Variants in RAD17 observed in about 807,000 individuals in gnomAD.
RAD17 encodes the protein cell cycle checkpoint protein RAD17.
Under a neutral mutation model 81.5 loss-of-function variants are expected in RAD17, and 31 were observed. The ratio of observed to expected loss-of-function variants is 0.38; its 90% CI spans 0.29 to 0.51. The LOEUF (loss-of-function observed/expected upper bound fraction) is 0.51. RAD17 is among the 20% of genes least tolerant of loss of function. The pLI, the probability that RAD17 is intolerant of heterozygous loss-of-function variation, is 0.88. For synonymous variants in RAD17, 261 were observed against 266.2 expected (o/e 0.98, Z 0.19); for missense variants, 681 against 781.2 (o/e 0.87, Z 1.53).
At chr5:69,398,812 A>G (rs1257797208) in intron 16 of RAD17, among the ~76,000 whole-genome samples, 1 of 141,216 alleles carries the variant, frequency 7.1e-6, no homozygotes, top group East Asian at 2.3e-4. Context: ...TCTCAGAAAG[A>G]AAAAAAAAAA....
At chr5:69,372,353 C>T in intron 4 of RAD17, 136 bp downstream of exon 4, 1 of 718,044 alleles carries the variant, frequency 1.4e-6, no homozygotes, top group Non-Finnish European at 2.3e-6. Context: ...AAATTGTCTC[C>T]CCTAAGCCTA....
chr5:69,413,822 A>G (rs1345971003), intron 18 of RAD17, among the ~76,000 whole-genome samples: 1 of 152,240 alleles, frequency 6.6e-6, no homozygotes, highest in African/African-American at 2.4e-5. Context: ...GGCATGAGCC[A>G]TCGTGTTCAG....
rs1407828398 is a variant in RAD17, at chr5:69,369,822, C to T, written c.-528C>T. ...CTGGAAGGTCCCCGGGAGGCCGTAC[C>T]TCCGAGAGGCTCGGCGTTGAGCCCG... is the stretch of plus-strand genomic sequence containing the variant. On this transcript the variant is annotated 5_prime_UTR_variant, in exon 1 of 19. Coordinates refer to ENST00000354868, the MANE Select transcript of RAD17 (RefSeq NM_133338.3). 8.8e-6 allele frequency: 9 copies of T among 1,022,150 alleles called. No homozygotes were observed. Among genetic ancestry groups the T allele is most frequent in the African/African-American group, 4.9e-5 (3 of 61,126 alleles). 63.3% of individuals were successfully genotyped at this position (1,022,150 alleles called of 1,614,324 possible). A position where few individuals can be genotyped will look rare whatever the true frequency, so the allele number is the denominator to read the frequency against.
intron 17 of RAD17, among the ~76,000 whole-genome samples, chr5:69,403,638 G>A (rs1479910526): frequency 3.3e-5 from 5 of 151,826 alleles, no homozygotes; most frequent in Non-Finnish European, 7.4e-5. Context: ...AAAATTTCTG[G>A]GCCAGGCATG....
chr5:69,369,593 GC>G (rs970291934), upstream of RAD17: 83 of 1,595,470 alleles, frequency 5.2e-5, no homozygotes, highest in African/African-American at 1.0e-3. Context: ...GGCCCCAAAG[GC>G]CCCGAAGCCC....
chr5:69,372,040 G>A lies in RAD17; in HGVS notation c.-169G>A, dbSNP rs573679883. ...ATCTTTCTCTTTTTTTCAGTATATG[G>A]GAGTCCACATTTATGTAAGAAATGA... is the stretch of plus-strand genomic sequence containing the variant. On this transcript the variant is annotated 5_prime_UTR_variant, in exon 4 of 19. Coordinates refer to ENST00000354868, the MANE Select transcript of RAD17 (RefSeq NM_133338.3). 2 of 1,308,612 alleles carry A rather than the reference G, an allele frequency of 1.5e-6. No homozygotes were observed. Among genetic ancestry groups the A allele is most frequent in the African/African-American group, 1.5e-5 (1 of 66,390 alleles). 81.1% of individuals were successfully genotyped at this position (1,308,612 alleles called of 1,614,324 possible).
intron 7 of RAD17, among the ~76,000 whole-genome samples, chr5:69,382,677 A>G (rs1444322572): frequency 6.6e-6 from 1 of 152,246 alleles, no homozygotes; most frequent in African/African-American, 2.4e-5. Context: ...CTTGCCCCCC[A>G]ACAAGATAGC....
chr5:69,372,177 A>G lies in RAD17; in HGVS notation c.-32A>G. The G allele has an allele frequency of 6.2e-7, 1 of 1,607,212 alleles. No homozygotes were observed. Among genetic ancestry groups the G allele is most frequent in the Non-Finnish European group, 8.5e-7 (1 of 1,175,146 alleles). On this transcript the variant is annotated 5_prime_UTR_variant, in exon 4 of 19. In the 5' UTR this introduces an upstream ATG that the reference lacks. Coordinates refer to ENST00000354868, the MANE Select transcript of RAD17 (RefSeq NM_133338.3). ...TATAGAGGAAAGGGGCCAAGATTAT[A>G]GTACCAGTCACAATCTTTTGATGAG...
intron 17 of RAD17, among the ~76,000 whole-genome samples, chr5:69,407,232 A>T (rs1381965825): frequency 1.3e-5 from 2 of 152,018 alleles, no homozygotes; most frequent in African/African-American, 4.8e-5. Flanking sequence ...CAAACTCCTA[A>T]CCTCAGGTGA....
intron 4 of RAD17, among the ~76,000 whole-genome samples, chr5:69,373,580 C>T (rs1297136547): frequency 6.6e-6 from 1 of 151,712 alleles, no homozygotes; most frequent in Non-Finnish European, 1.5e-5. Flanking sequence ...TGGTGCATGC[C>T]TGTAGTCCCA....
chr5:69,380,873 C>T (rs1285632056), intron 6 of RAD17, among the ~76,000 whole-genome samples: 1 of 151,382 alleles, frequency 6.6e-6, no homozygotes, highest in Non-Finnish European at 1.5e-5. Flanking sequence ...TCAAGTGATT[C>T]TTCCACCTCA....
chr5:69,401,961 A>ACG (rs1335917943), intron 17 of RAD17, among the ~76,000 whole-genome samples: 1 of 122,668 alleles, frequency 8.2e-6, no homozygotes, highest in Non-Finnish European at 1.6e-5. Context: ...CCGAGATTGC[A>ACG]CCACTGCCCT....
chr5:69,393,694 A>G (rs760695513), intron 15 of RAD17, among the ~76,000 whole-genome samples, 194 bp downstream of exon 15: 3 of 152,138 alleles, frequency 2.0e-5, no homozygotes, highest in African/African-American at 4.8e-5. Context: ...TGCTGATAAT[A>G]TAGCACCAAT....
intron 17 of RAD17, among the ~76,000 whole-genome samples, chr5:69,403,749 G>A (rs1018743270): frequency 1.3e-5 from 2 of 152,006 alleles, no homozygotes; most frequent in African/African-American, 4.8e-5. Context: ...GTGATACCTT[G>A]TCTCTACAAA....
chr5:69,408,462 GCTC>G (rs1765768531), intron 17 of RAD17, among the ~76,000 whole-genome samples: 1 of 147,074 alleles, frequency 6.8e-6, no homozygotes, highest in African/African-American at 2.5e-5. Context: ...TGTCTGTATA[GCTC>G]TTTGCTTCCT....
At chr5:69,385,308 C>T (rs1280091189) in intron 8 of RAD17, among the ~76,000 whole-genome samples, 1 of 143,210 alleles carries the variant, frequency 7.0e-6, no homozygotes, top group Non-Finnish European at 1.5e-5. Flanking sequence ...TCTCTTTAAC[C>T]CCTAGGCTGG....
chr5:69,370,887 C>T (rs942971137), intron 1 of RAD17, 148 bp from the exon 2 acceptor site: 1 of 234,102 alleles, frequency 4.3e-6, no homozygotes, highest in East Asian at 1.2e-4. Flanking sequence ...TTCTGGCTAA[C>T]TTAAAATCGT....
intron 12 of RAD17, among the ~76,000 whole-genome samples, chr5:69,389,879 G>A (rs1764440949): frequency 6.6e-6 from 1 of 152,048 alleles, no homozygotes; most frequent in South Asian, 2.1e-4. Context: ...CTCGTGATCC[G>A]CCCGCCTCGG....
At chr5:69,411,993 A>G (rs1257086999) in intron 18 of RAD17, among the ~76,000 whole-genome samples, 7 of 151,540 alleles carry the variant, frequency 4.6e-5, no homozygotes, top group African/African-American at 1.7e-4. Flanking sequence ...GTCTAGCTTT[A>G]TCGCCCAGGC....
Sources: gnomAD v4.1 joint callset for allele counts (sites outside exome capture counted in the v4.1 genomes callset) on GRCh38, gnomAD v4.1.1 for gene constraint, MANE v1.5 for transcripts, NCBI Gene and HGNC (gene_info 2026-07-23, HGNC 2026-07-21) for gene names.